Variants in PCDHGA2 observed in about 807,000 individuals in gnomAD.
PCDHGA2 encodes the protein protocadherin gamma-A2.
A neutral mutation model predicts 59.2 loss-of-function variants in PCDHGA2; 40 were observed. That is an observed-to-expected ratio of 0.68 (90% CI 0.52 to 0.88). The LOEUF is 0.88. Among genes scored for constraint, PCDHGA2 ranks in the 40% least tolerant of loss-of-function variants. PCDHGA2 has a pLI of 0.00. For missense variants in PCDHGA2, 1,226 were observed against 1,204.0 expected, an observed-to-expected ratio of 1.02 and a Z score of -0.27; for synonymous variants, 560 against 526.0, an observed-to-expected ratio of 1.06 and a Z score of -0.89.
In PCDHGA2 at chr5:141,422,749, A is replaced by G. The variant is rs202046219; in HGVS notation, c.2425-72058A>G. Reference sequence around the variant, plus strand: ...GGTGCCTCTGTCCTCCTATGTCTCTATTAACTCCAACACTGGTGTTCTCTA... The same window carrying G: ...GGTGCCTCTGTCCTCCTATGTCTCTGTTAACTCCAACACTGGTGTTCTCTA... On this transcript the variant is annotated intron_variant, in intron 1 of 3. Coordinates refer to ENST00000394576, the MANE Select transcript of PCDHGA2 (RefSeq NM_018915.4). 269 of 1,611,644 alleles carry G rather than the reference A, an allele frequency of 1.7e-4. 1 individual carries two copies. The African/African-American group carries it at 3.3e-3, about 20-fold the overall frequency.
chr5:141,421,365 G>A (rs1189449968), intron 1 of PCDHGA2: 2 of 1,614,026 alleles, frequency 1.2e-6, no homozygotes, highest in South Asian at 1.1e-5. Flanking sequence ...GCTCCTTCGT[G>A]GGCAATATCT....
chr5:141,364,528 C>T (rs1445482375), intron 1 of PCDHGA2: 5 of 1,614,048 alleles, frequency 3.1e-6, no homozygotes, highest in Non-Finnish European at 2.5e-6. Context: ...GAGTCCGCAT[C>T]GTCTCCAGAG....
At chr5:141,365,830 C>T in intron 1 of PCDHGA2, 6 of 1,613,946 alleles carry the variant, frequency 3.7e-6, no homozygotes, top group Non-Finnish European at 5.1e-6. Flanking sequence ...AGGGGGCGCC[C>T]TTGTCCTCCT....
At chr5:141,409,447 A>G (rs764648085) in intron 1 of PCDHGA2, 3 of 1,614,008 alleles carry the variant, frequency 1.9e-6, no homozygotes, top group Admixed American at 1.7e-5. Flanking sequence ...GAGAGCAGAC[A>G]CCAGAATACA....
chr5:141,494,656 C>CT, intron 1 of PCDHGA2, 151 bp from the exon 2 acceptor site: 1 of 1,478,476 alleles, frequency 6.8e-7, no homozygotes, highest in Non-Finnish European at 9.1e-7. Flanking sequence ...TGTATTTTGT[C>CT]TTTGGAGATG....
chr5:141,360,577 C>T (rs546241238), intron 1 of PCDHGA2: 3 of 1,613,934 alleles, frequency 1.9e-6, no homozygotes, highest in East Asian at 4.5e-5. Context: ...ATCCACTAAG[C>T]CAGGTACAAC....
intron 1 of PCDHGA2, chr5:141,478,942 C>G: frequency 1.7e-6 from 1 of 579,218 alleles, no homozygotes; most frequent in Non-Finnish European, 2.9e-6. Context: ...TCTAGGAATA[C>G]AAAAACTACC....
intron 1 of PCDHGA2, chr5:141,387,903 G>A: frequency 6.6e-7 from 1 of 1,506,982 alleles, no homozygotes; most frequent in African/African-American, 1.4e-5. Context: ...CGGCGCCGGG[G>A]AGCTGGGCCG....
Position 141,489,555 on chromosome 5 carries a change from A to G in PCDHGA2, c.2425-5252A>G, listed in dbSNP as rs909307566. ...GAGCCAGCACCAGCTGCCTGCTGCC[A>G]GTGCAGGTGGTGACTGAACACCCCC... is the stretch of plus-strand genomic sequence containing the variant. On this transcript the variant is annotated intron_variant, in intron 1 of 3. Transcript: ENST00000394576. The surrounding 1 kb of genome is among the most constrained non-coding windows in gnomAD (Gnocchi z 4.5). 2.5e-6 allele frequency: 4 copies of G among 1,613,998 alleles called. No homozygotes were observed. The African/African-American group carries it at 5.3e-5, about 22-fold the overall frequency.
chr5:141,399,309 C>CA (rs1033550021), intron 1 of PCDHGA2: 6 of 1,613,784 alleles, frequency 3.7e-6, no homozygotes, highest in African/African-American at 1.3e-5. Context: ...TCTCTTCATC[C>CA]AAAAATTCGT....
chr5:141,441,884 C>A (rs2098281796), intron 1 of PCDHGA2: 10 of 343,702 alleles, frequency 2.9e-5, no homozygotes, highest in South Asian at 2.6e-4. Context: ...TACCTGGTCA[C>A]CAAGGTGGTG....
At chr5:141,466,898 A>G (rs1029507733) in intron 1 of PCDHGA2, among the ~76,000 whole-genome samples, 1 of 152,170 alleles carries the variant, frequency 6.6e-6, no homozygotes, top group African/African-American at 2.4e-5. Context: ...TTTTCCATGA[A>G]GTTTTTGAAA....
intron 1 of PCDHGA2, among the ~76,000 whole-genome samples, chr5:141,380,390 G>A (rs1339602607): frequency 6.6e-6 from 1 of 152,198 alleles, no homozygotes; most frequent in African/African-American, 2.4e-5. Context: ...AGAAAAGAGA[G>A]AAGATAATCA....
Position 141,490,151 on chromosome 5 carries a change from T to A in PCDHGA2, c.2425-4656T>A, listed in dbSNP as rs1449636059. 6.2e-6 allele frequency: 10 copies of A among 1,614,210 alleles called. No homozygotes were observed. The highest frequency in any genetic ancestry group is 8.5e-6 in the Non-Finnish European group (10 of 1,180,018). On this transcript the variant is annotated intron_variant, in intron 1 of 3. Transcript: ENST00000394576. This position sits in a 1 kb window ranked among gnomAD's most constrained non-coding sequence, Gnocchi z 5.4. ...GACCCTAGCAGTGGGGCAATCCATG[T>A]GTTGGGTCCCATAGACTTTGAGGAG... is the stretch of plus-strand genomic sequence containing the variant.
chr5:141,395,413 GT>G, intron 1 of PCDHGA2: 2 of 791,446 alleles, frequency 2.5e-6, no homozygotes, highest in Non-Finnish European at 3.8e-6. Context: ...ATAGGTTATT[GT>G]TTCATTTGCT....
intron 1 of PCDHGA2, among the ~76,000 whole-genome samples, chr5:141,483,652 G>A (rs746306843): frequency 2.0e-5 from 3 of 151,916 alleles, no homozygotes; most frequent in Non-Finnish European, 4.4e-5. Context: ...GTGTGTTTGT[G>A]TGTGTGTGTG....
intron 1 of PCDHGA2, chr5:141,361,840 C>A (rs138456654): frequency 0.025 from 40,619 of 1,612,726 alleles, 619 homozygotes; most frequent in African/African-American, 0.058. Flanking sequence ...CGCGCTGGGG[C>A]CTGATGGCTC....
intron 1 of PCDHGA2, chr5:141,375,375 C>G (rs907988445): frequency 6.2e-7 from 1 of 1,613,834 alleles, no homozygotes; most frequent in Admixed American, 1.7e-5. Context: ...GGAACACCAC[C>G]TCTGTCTACA....
chr5:141,381,965 G>C (rs571350764), intron 1 of PCDHGA2, among the ~76,000 whole-genome samples: 96 of 151,186 alleles, frequency 6.3e-4, no homozygotes, highest in African/African-American at 2.2e-3. Flanking sequence ...GAGTAGCTGG[G>C]ATTACAGGCG....
Sources: gnomAD v4.1 joint callset for allele counts (sites outside exome capture counted in the v4.1 genomes callset) on GRCh38, gnomAD v4.1.1 for gene constraint, Gnocchi (gnomAD v3.1) non-coding constraint, MANE v1.5 for transcripts, NCBI Gene and HGNC (gene_info 2026-07-23, HGNC 2026-07-21) for gene names.